Variants in GARNL3 observed in about 807,000 individuals in gnomAD.
GARNL3 encodes the protein GTPase-activating Rap/Ran-GAP domain-like protein 3.
A neutral mutation model predicts 125.0 loss-of-function variants in GARNL3; 63 were observed. That is an observed-to-expected ratio of 0.50 (90% CI 0.41 to 0.62). The LOEUF (loss-of-function observed/expected upper bound fraction) is 0.62, where lower values mean the gene tolerates loss of function less well. Ranked by LOEUF, GARNL3 falls within the 20% of genes least tolerant of loss-of-function variation. The pLI, the probability that GARNL3 is intolerant of heterozygous loss-of-function variation, is 0.00. For synonymous variants in GARNL3, 439 were observed against 457.5 expected (o/e 0.96, Z 0.52); for missense variants, 994 against 1,244.0 (o/e 0.80, Z 3.02).
intron 2 of GARNL3, among the ~76,000 whole-genome samples, chr9:127,304,374 G>A (rs1422614912): frequency 6.6e-6 from 1 of 152,132 alleles, no homozygotes; most frequent in Non-Finnish European, 1.5e-5. Flanking sequence ...GCTAATAGGA[G>A]TTTAAATTGG....
At chr9:127,260,005 C>T (rs548863860), upstream of GARNL3, among the ~76,000 whole-genome samples, 21 of 152,282 alleles carry the variant, frequency 1.4e-4, no homozygotes, top group Middle Eastern at 6.8e-3. Flanking sequence ...TGCACTCTAG[C>T]GTGGGCAACA....
chr9:127,264,902 T>C lies in GARNL3; in HGVS notation c.25T>C (p.Phe9Leu). The C allele has an allele frequency of 6.3e-7, 1 of 1,596,236 alleles. No homozygotes were observed. Among genetic ancestry groups the C allele is most frequent in the Middle Eastern group, 1.7e-4 (1 of 6,028 alleles). MVVDFCRR[F>L]VARSLCIILM... ...AATGGTAGTTGATTTTTGCAGAAGG[T>C]TTGTGGCCAGATCGCTATGTATAAT... Residue 9 changes from phenylalanine (F) to leucine (L), a missense_variant, in exon 1 of 28, where the codon TTT becomes CTT. This residue lies in a region of GARNL3 where 37 missense variants were observed against 34.2 expected (regional missense o/e 1.08). Transcript: ENST00000373387.
chr9:127,327,765 A>G (rs2065618884), intron 7 of GARNL3, among the ~76,000 whole-genome samples: 2 of 152,162 alleles, frequency 1.3e-5, no homozygotes, highest in African/African-American at 4.8e-5. Flanking sequence ...TGGACTTCAC[A>G]TGTAATTTGT....
rs148151773 is a variant in GARNL3, at chr9:127,312,815, G to A, written c.320-626G>A. Among the ~76,000 whole-genome samples, 79 of 152,290 alleles carry A rather than the reference G, an allele frequency of 5.2e-4. 1 individual carries two copies. In the East Asian group the frequency reaches 0.012, roughly 22 times the overall value. On this transcript the variant is annotated intron_variant, in intron 3 of 27. Coordinates refer to ENST00000373387, the MANE Select transcript of GARNL3 (RefSeq NM_032293.5). Reference sequence around the variant, plus strand: ...AAAAAAGGAAATCAGCAGGAAAACCGTCATCTTCCCAAACGCTTGCAAGTA... The same window carrying A: ...AAAAAAGGAAATCAGCAGGAAAACCATCATCTTCCCAAACGCTTGCAAGTA...
chr9:127,370,823 G>A lies in GARNL3; in HGVS notation c.2161+5457G>A, dbSNP rs116198310. Among the ~76,000 whole-genome samples the A allele has an allele frequency of 8.0e-3, 1,215 of 152,144 alleles. 16 individuals are homozygous for A. Among genetic ancestry groups the A allele is most frequent in the African/African-American group, 0.027 (1,125 of 41,506 alleles). The stretch of plus-strand genomic sequence containing the variant: ...CCCTGTCCTCGCCTTTCCATCTGGC[G>A]TGCTCATTCTCCCCTGCAAGCTTGA... On this transcript the variant is annotated intron_variant, in intron 22 of 27. Transcript: ENST00000373387.
chr9:127,335,435 G>A (rs1311157661), intron 10 of GARNL3, 102 bp downstream of exon 10: 1 of 924,272 alleles, frequency 1.1e-6, no homozygotes, highest in Non-Finnish European at 1.8e-6. Context: ...CATATGAGCT[G>A]AGCTGTGGCC....
chr9:127,265,704 A>G (rs2063689467), intron 1 of GARNL3, among the ~76,000 whole-genome samples: 1 of 152,242 alleles, frequency 6.6e-6, no homozygotes, highest in African/African-American at 2.4e-5. Context: ...ATTTTCAGAA[A>G]TGTGCTCATA....
At chr9:127,326,520 A>G (rs2065577589) in intron 7 of GARNL3, among the ~76,000 whole-genome samples, 1 of 152,220 alleles carries the variant, frequency 6.6e-6, no homozygotes, top group Non-Finnish European at 1.5e-5. Flanking sequence ...TGATGTGATT[A>G]TTACACATTG....
At chr9:127,327,244 T>G (rs1023423779) in intron 7 of GARNL3, among the ~76,000 whole-genome samples, 3 of 152,198 alleles carry the variant, frequency 2.0e-5, no homozygotes, top group African/African-American at 4.8e-5. Context: ...AGGTCCCTTC[T>G]TCACGGAGCT....
upstream of GARNL3, among the ~76,000 whole-genome samples, chr9:127,261,407 GT>G (rs377048911): frequency 7.2e-3 from 848 of 117,124 alleles, 7 homozygotes; most frequent in East Asian, 0.058. Context: ...TTTTTTGTTG[GT>G]TTTTTTTTTT....
At chr9:127,262,020 A>T (rs2063604020), upstream of GARNL3, among the ~76,000 whole-genome samples, 1 of 152,144 alleles carries the variant, frequency 6.6e-6, no homozygotes, top group African/African-American at 2.4e-5. Flanking sequence ...TACATGGTCC[A>T]CCTTCTGAAT....
Position 127,357,322 on chromosome 9 carries a change from T to G in GARNL3, c.2039T>G (p.Val680Gly), listed in dbSNP as rs1425791862. 1 of 1,614,162 alleles carries G rather than the reference T, an allele frequency of 6.2e-7. No homozygotes were observed. The highest frequency in any genetic ancestry group is 1.1e-5 in the South Asian group (1 of 91,076). Residue 680 changes from valine (V) to glycine (G), a missense_variant, in exon 21 of 28, where the codon GTG becomes GGG. This residue lies in a region of GARNL3 where 728 missense variants were observed against 865.7 expected (regional missense o/e 0.84). Transcript: ENST00000373387. ...GTGGCTTATCGACACCAATTTGATG[T>G]GGTGAATGAGAGCACAGGAGAAGCC... ...ICVAYRHQFD[V>G]VNESTGEAFR...
intron 1 of GARNL3, among the ~76,000 whole-genome samples, chr9:127,271,965 A>G (rs1185481111): frequency 6.7e-6 from 1 of 150,316 alleles, no homozygotes; most frequent in East Asian, 1.9e-4. Flanking sequence ...GCTTCTCTAT[A>G]CAGATAGCAT....
chr9:127,243,255 TA>T (rs758048020), intron 2 of GARNL3: 2 of 1,366,434 alleles, frequency 1.5e-6, no homozygotes, highest in South Asian at 2.3e-5. Flanking sequence ...AACCTGTAAG[TA>T]AGTAAAAGAA....
chr9:127,285,665 T>C (rs71497648), intron 1 of GARNL3, among the ~76,000 whole-genome samples: 1 of 152,194 alleles, frequency 6.6e-6, no homozygotes, highest in African/African-American at 2.4e-5. Flanking sequence ...ATAGTTTTTG[T>C]TTTATAGTGA....
chr9:127,313,574 C>CA lies in GARNL3; in HGVS notation c.438+16dup. On this transcript the variant is annotated intron_variant, in intron 4 of 27. Coordinates refer to ENST00000373387, the MANE Select transcript of GARNL3 (RefSeq NM_032293.5). ...GGAGAAAAACAGTAAGTATATGGCT[C>CA]ACACTTGAAGCAAAATTTATGCATC... 2 of 1,551,272 alleles carry CA rather than the reference C, an allele frequency of 1.3e-6. No homozygotes were observed. Among genetic ancestry groups the CA allele is most frequent in the Non-Finnish European group, 8.9e-7 (1 of 1,122,688 alleles).
intron 27 of GARNL3, among the ~76,000 whole-genome samples, chr9:127,391,372 C>A (rs1419828217): frequency 2.8e-5 from 4 of 143,868 alleles, no homozygotes; most frequent in Admixed American, 7.0e-5. Context: ...TTTTTCCTCA[C>A]CAGATTGACA....
At chr9:127,353,481 C>CTT (rs61634410) in intron 17 of GARNL3, 32 of 145,166 alleles carry the variant, frequency 2.2e-4, no homozygotes, top group South Asian at 7.8e-4. Flanking sequence ...AATGGCTGCT[C>CTT]TTTTTTTTTT....
chr9:127,238,724 G>A (rs1037723730), intron 1 of GARNL3, among the ~76,000 whole-genome samples: 3 of 151,880 alleles, frequency 2.0e-5, no homozygotes, highest in African/African-American at 7.3e-5. Context: ...CGTTTTGAGA[G>A]AAGCTTTGTT....
Sources: gnomAD v4.1 joint callset for allele counts (sites outside exome capture counted in the v4.1 genomes callset) on GRCh38, gnomAD v4.1.1 for gene constraint, gnomAD v4.1.1 regional missense constraint, MANE v1.5 for transcripts, NCBI Gene and HGNC (gene_info 2026-07-23, HGNC 2026-07-21) for gene names.